Variants in KCNC2 observed in about 807,000 individuals in gnomAD.
KCNC2 encodes the protein potassium voltage-gated channel subfamily C member 2.
In KCNC2, 21 loss-of-function variants were observed where a neutral mutation model predicts 44.5. That is an observed-to-expected ratio of 0.47 (90% CI 0.33 to 0.68). The LOEUF (loss-of-function observed/expected upper bound fraction) is 0.68. KCNC2 is among the 30% of genes least tolerant of loss of function. The pLI, the probability that KCNC2 is intolerant of heterozygous loss-of-function variation, is 0.01. For missense variants in KCNC2, 589 were observed against 826.2 expected (o/e 0.71, Z 3.52); for synonymous variants, 391 against 339.1 (o/e 1.15, Z -1.68).
At chr12:75,183,028 T>G (rs1299805542) in intron 2 of KCNC2, among the ~76,000 whole-genome samples, 1 of 152,204 alleles carries the variant, frequency 6.6e-6, no homozygotes. Flanking sequence ...CATCCGGCCC[T>G]TCTGTCCCCA....
rs184572567 is a variant in KCNC2 at position 75,186,128 on chromosome 12, G to C, written c.687+21169C>G. Among the ~76,000 whole-genome samples the C allele has an allele frequency of 2.7e-3, 413 of 150,244 alleles. 1 individual carries two copies. Among genetic ancestry groups the C allele is most frequent in the African/African-American group, 9.5e-3 (391 of 40,988 alleles). On this transcript the variant is annotated intron_variant, in intron 2 of 4. Transcript: ENST00000549446. ...TTGTAATTAAATAAAGAAAATAGAG[G>C]TATAATTCTAGCGCAGTTACATAAT...
chr12:75,047,893 C>T (rs1279667214), intron 4 of KCNC2, among the ~76,000 whole-genome samples: 3 of 151,868 alleles, frequency 2.0e-5, no homozygotes, highest in South Asian at 4.1e-4. Flanking sequence ...TTACATATTC[C>T]ATTCCAATTC....
chr12:75,157,223 A>C lies in KCNC2; in HGVS notation c.687+50074T>G, dbSNP rs532381263. 2.6e-3 allele frequency among the ~76,000 whole-genome samples: 395 copies of C among 151,988 alleles called. 2 individuals are homozygous for C. The highest frequency in any genetic ancestry group is 9.1e-3 in the African/African-American group (378 of 41,534). On this transcript the variant is annotated intron_variant, in intron 2 of 4. Coordinates refer to ENST00000549446, the MANE Select transcript of KCNC2 (RefSeq NM_139137.4). Reference sequence around the variant, plus strand: ...AGAAAGTAAATGAAATTCAGTGGGCAAGCTTTCCATTTTTTGTTGGATTGT... The same window carrying C: ...AGAAAGTAAATGAAATTCAGTGGGCCAGCTTTCCATTTTTTGTTGGATTGT...
chr12:75,184,285 A>G (rs909157668), intron 2 of KCNC2, among the ~76,000 whole-genome samples: 2 of 152,146 alleles, frequency 1.3e-5, no homozygotes, highest in African/African-American at 4.8e-5. Flanking sequence ...TGACAATTAC[A>G]TAGGCTTTTA....
intron 2 of KCNC2, among the ~76,000 whole-genome samples, chr12:75,193,242 T>C (rs2030464563): frequency 6.6e-6 from 1 of 152,092 alleles, no homozygotes; most frequent in Non-Finnish European, 1.5e-5. Flanking sequence ...ATCACAGGGA[T>C]GAAAAACAGG....
chr12:75,075,442 G>C lies in KCNC2; in HGVS notation c.688-24125C>G, dbSNP rs1185974540. Among the ~76,000 whole-genome samples, 5 of 107,660 alleles carry C rather than the reference G, an allele frequency of 4.6e-5. No homozygotes were observed. The East Asian group carries it at 1.3e-3, about 27-fold the overall frequency. The allele number at this position is 107,660 out of a possible 152,430, so 70.6% of individuals were successfully genotyped here. A position where few individuals can be genotyped will look rare whatever the true frequency, so the allele number is the denominator to read the frequency against. ...CAAATATTAAATCCAATTCTCAGGA[G>C]AGAAATATATATATACATATATATA... On this transcript the variant is annotated intron_variant, in intron 2 of 4. Coordinates refer to ENST00000549446, the MANE Select transcript of KCNC2 (RefSeq NM_139137.4).
At chr12:75,079,855 T>G (rs959564023) in intron 2 of KCNC2, among the ~76,000 whole-genome samples, 1 of 152,158 alleles carries the variant, frequency 6.6e-6, no homozygotes, top group Non-Finnish European at 1.5e-5. Context: ...AGCATGTCTC[T>G]TTGGTACCAA....
chr12:75,182,422 C>T (rs995065193), intron 2 of KCNC2, among the ~76,000 whole-genome samples: 1 of 149,268 alleles, frequency 6.7e-6, no homozygotes, highest in Non-Finnish European at 1.5e-5. Flanking sequence ...ACTTGGGAGG[C>T]TGAGGCAGGA....
At chr12:75,083,530 C>T (rs922674725) in intron 2 of KCNC2, among the ~76,000 whole-genome samples, 1 of 151,776 alleles carries the variant, frequency 6.6e-6, no homozygotes, top group Non-Finnish European at 1.5e-5. Context: ...AGTTACCAGG[C>T]GTCAATCCTT....
At chr12:75,076,337 A>G (rs1883970862) in intron 2 of KCNC2, among the ~76,000 whole-genome samples, 1 of 85,900 alleles carries the variant, frequency 1.2e-5, no homozygotes, top group Non-Finnish European at 3.1e-5. Context: ...CAGTAGCGCG[A>G]TCTCGACTCA....
intron 2 of KCNC2, among the ~76,000 whole-genome samples, chr12:75,139,793 T>C (rs1036335712): frequency 1.6e-4 from 25 of 152,248 alleles, no homozygotes; most frequent in Non-Finnish European, 3.5e-4. Context: ...ATTATTAGAC[T>C]TTGTTTTTCT....
At chr12:75,043,700 CT>C in intron 4 of KCNC2, 1 of 1,399,030 alleles carries the variant, frequency 7.1e-7, no homozygotes, top group South Asian at 1.7e-5. Flanking sequence ...ATGGACAACT[CT>C]TTTTCCAGCA....
At chr12:75,150,559 G>A (rs572376164) in intron 2 of KCNC2, among the ~76,000 whole-genome samples, 5 of 151,946 alleles carry the variant, frequency 3.3e-5, no homozygotes, top group African/African-American at 9.6e-5. Flanking sequence ...TTTCCTATAA[G>A]CACCATCAAT....
At chr12:75,182,354 C>A (rs986651486) in intron 2 of KCNC2, among the ~76,000 whole-genome samples, 2 of 151,394 alleles carry the variant, frequency 1.3e-5, no homozygotes, top group Non-Finnish European at 2.9e-5. Flanking sequence ...GAAACCCCAT[C>A]TCTACTAAAA....
intron 2 of KCNC2, among the ~76,000 whole-genome samples, chr12:75,177,123 G>C (rs1426066675): frequency 6.6e-6 from 1 of 150,538 alleles, no homozygotes; most frequent in Non-Finnish European, 1.5e-5. Context: ...AATTGTTTTA[G>C]GGAGTGTTAG....
At chr12:75,155,274 A>ATTCAAGTT (rs1362024681) in intron 2 of KCNC2, among the ~76,000 whole-genome samples, 1 of 151,896 alleles carries the variant, frequency 6.6e-6, no homozygotes, top group Non-Finnish European at 1.5e-5. Context: ...CCTGTGATGA[A>ATTCAAGTT]TTCAAGTTTT....
chr12:75,207,440 C>A lies in KCNC2; in HGVS notation c.544G>T (p.Asp182Tyr). Residue 182 changes from aspartate to tyrosine, a missense_variant, in exon 2 of 5, where the codon GAC becomes TAC. Transcript: ENST00000549446. The surrounding 1 kb of genome is among the most constrained non-coding windows in gnomAD (Gnocchi z 4.1). ...PDLIGGDPGD[D>Y]EDLAAKRLGI... ...AGCCTCTTGGCCGCCAGGTCCTCGT[C>A]GTCGCCGGGGTCGCCGCCAATGAGG... 1 of 1,608,824 alleles carries A rather than the reference C, an allele frequency of 6.2e-7. No individual in the cohort carries two copies. Among genetic ancestry groups the A allele is most frequent in the Non-Finnish European group, 8.5e-7 (1 of 1,177,862 alleles).
intron 2 of KCNC2, among the ~76,000 whole-genome samples, chr12:75,168,999 T>G (rs1398072621): frequency 6.6e-6 from 1 of 151,528 alleles, no homozygotes; most frequent in East Asian, 1.9e-4. Flanking sequence ...AGACAGATGA[T>G]GTTTTTAATC....
At chr12:75,079,922 GTC>G (rs1030999141) in intron 2 of KCNC2, among the ~76,000 whole-genome samples, 3 of 152,066 alleles carry the variant, frequency 2.0e-5, no homozygotes, top group Non-Finnish European at 4.4e-5. Context: ...CCCTGTTAAT[GTC>G]TCTGAGTCCT....
Sources: allele counts gnomAD v4.1 joint callset (sites outside exome capture counted in the v4.1 genomes callset), GRCh38; gene constraint gnomAD v4.1.1; non-coding constraint Gnocchi (gnomAD v3.1); transcripts MANE v1.5; gene names NCBI Gene and HGNC (gene_info 2026-07-23, HGNC 2026-07-21).